Variants in MTHFD1L observed in about 807,000 individuals in gnomAD.
MTHFD1L encodes the protein methylenetetrahydrofolate dehydrogenase (NADP+ dependent) 1 like, also known as monofunctional C1-tetrahydrofolate synthase, mitochondrial.
A neutral mutation model predicts 119.5 loss-of-function variants in MTHFD1L; 81 were observed. The ratio of observed to expected loss-of-function variants is 0.68; its 90% confidence interval spans 0.57 to 0.82. The LOEUF (loss-of-function observed/expected upper bound fraction) is 0.82. MTHFD1L is among the 40% of genes least tolerant of loss of function. The pLI, the probability that MTHFD1L is intolerant of heterozygous loss-of-function variation, is 0.00. For synonymous variants in MTHFD1L, 430 were observed against 475.2 expected, an observed-to-expected ratio of 0.90 and a Z score of 1.24; for missense variants, 1,125 against 1,253.4, an observed-to-expected ratio of 0.90 and a Z score of 1.55.
intron 8 of MTHFD1L, among the ~76,000 whole-genome samples, chr6:150,908,335 GC>G (rs1396121720): frequency 6.6e-6 from 1 of 151,802 alleles, no homozygotes; most frequent in Non-Finnish European, 1.5e-5. Context: ...TAAAGATGGG[GC>G]TGATGGCCAG....
intron 8 of MTHFD1L, among the ~76,000 whole-genome samples, chr6:150,913,236 C>T (rs1405266465): frequency 6.6e-6 from 1 of 152,060 alleles, no homozygotes; most frequent in Non-Finnish European, 1.5e-5. Context: ...GCTCGGCTCA[C>T]TGCAAGCTCC....
At chr6:150,951,057 G>T (rs1354494415) in intron 16 of MTHFD1L, among the ~76,000 whole-genome samples, 4 of 125,484 alleles carry the variant, frequency 3.2e-5, no homozygotes, top group East Asian at 2.4e-4. Flanking sequence ...TTTTTTTTGA[G>T]ACAGGGCCTC....
At chr6:150,986,536 C>T (rs1050417774) in intron 20 of MTHFD1L, among the ~76,000 whole-genome samples, 3 of 152,142 alleles carry the variant, frequency 2.0e-5, no homozygotes, top group Non-Finnish European at 4.4e-5. Flanking sequence ...GGTCCTAGAT[C>T]CCTTACATGC....
intron 24 of MTHFD1L, among the ~76,000 whole-genome samples, chr6:151,026,194 T>G (rs934701742): frequency 6.6e-6 from 1 of 152,230 alleles, no homozygotes; most frequent in African/African-American, 2.4e-5. Context: ...GTGACTCAGC[T>G]TCTAGGACCC....
intron 18 of MTHFD1L, among the ~76,000 whole-genome samples, chr6:150,962,666 C>T (rs964458479): frequency 3.3e-5 from 5 of 152,202 alleles, no homozygotes; most frequent in South Asian, 2.1e-4. Flanking sequence ...ACAGCACAGG[C>T]GCTGAGATGT....
intron 9 of MTHFD1L, among the ~76,000 whole-genome samples, chr6:150,919,381 G>A (rs1388203693): frequency 6.6e-6 from 1 of 151,724 alleles, no homozygotes; most frequent in Non-Finnish European, 1.5e-5. Flanking sequence ...ACACCACCAC[G>A]CCTGGCTAAT....
At chr6:150,945,418 C>A in intron 14 of MTHFD1L, 49 bp from the exon 15 acceptor site, 1 of 1,485,668 alleles carries the variant, frequency 6.7e-7, no homozygotes, top group South Asian at 1.2e-5. Context: ...TGTCCAAGTT[C>A]ATGGACAACT....
At chr6:150,977,368 A>G (rs529615680) in intron 20 of MTHFD1L, among the ~76,000 whole-genome samples, 102 of 152,354 alleles carry the variant, frequency 6.7e-4, no homozygotes, top group African/African-American at 2.3e-3. Context: ...ACAGAGTGAC[A>G]TTTATTTTAA....
At chr6:150,866,302 G>A in intron 1 of MTHFD1L, 1 of 1,474,132 alleles carries the variant, frequency 6.8e-7, no homozygotes, top group Non-Finnish European at 8.9e-7. Flanking sequence ...TCCAATGGGC[G>A]CCTAGCGGCA....
rs1053900238 is a variant in MTHFD1L, at chr6:150,866,025, C to T, written c.203C>T (p.Pro68Leu). 15 of 1,407,084 alleles carry T rather than the reference C, an allele frequency of 1.1e-5. No homozygotes were observed. The highest frequency in any genetic ancestry group is 1.5e-5 in the African/African-American group (1 of 66,540). The allele number at this position is 1,407,084 out of a possible 1,614,324, so 87.2% of individuals were successfully genotyped here. The change falls in exon 1 of 28, where the codon CCC becomes CTC. Residue 68 changes from proline to leucine, a missense_variant. Physicochemically the swap from Pro to Leu is moderately conservative, Grantham distance 98. Coordinates refer to ENST00000367321, the MANE Select transcript of MTHFD1L (RefSeq NM_015440.5). The stretch of plus-strand genomic sequence containing the variant: ...AGCTGCAGCCCCGGCGGCCGAACGC[C>T]CGCGGCGCGGGACTCCATCGTCAGG... ...RSSCSPGGRT[P>L]AARDSIVREV...
chr6:150,869,503 A>G (rs1429552331), intron 1 of MTHFD1L, among the ~76,000 whole-genome samples: 1 of 152,138 alleles, frequency 6.6e-6, no homozygotes, highest in Non-Finnish European at 1.5e-5. Flanking sequence ...AGAGGACATG[A>G]ACTCATGCTT....
At chr6:150,884,375 C>T (rs1781872693) in intron 5 of MTHFD1L, among the ~76,000 whole-genome samples, 2 of 151,854 alleles carry the variant, frequency 1.3e-5, no homozygotes, top group Admixed American at 1.3e-4. Context: ...CTCCTGACCT[C>T]GTGACCCGCC....
chr6:150,918,993 A>T lies in MTHFD1L; in HGVS notation c.984+325A>T, dbSNP rs538890784. On this transcript the variant is annotated intron_variant, in intron 9 of 27. Coordinates refer to ENST00000367321, the MANE Select transcript of MTHFD1L (RefSeq NM_015440.5). ...CTTCAAGTCAGAGATTTGGTAGTAG[A>T]TTAGCAGATTAGGTGGTATGTTAGT... Among the ~76,000 whole-genome samples the T allele has an allele frequency of 3.3e-5, 5 of 152,102 alleles. No individual in the cohort carries two copies. The South Asian group carries it at 1.0e-3, about 32-fold the overall frequency.
chr6:151,048,024 C>G (rs1223518633), intron 26 of MTHFD1L, among the ~76,000 whole-genome samples: 2 of 152,048 alleles, frequency 1.3e-5, no homozygotes, highest in Non-Finnish European at 2.9e-5. Context: ...TTTTAAACAA[C>G]CAGATCTCAT....
chr6:151,054,650 T>A (rs533239947), intron 26 of MTHFD1L, among the ~76,000 whole-genome samples: 1 of 152,302 alleles, frequency 6.6e-6, no homozygotes, highest in East Asian at 1.9e-4. Context: ...CTGCATCTTC[T>A]CTATTGAGCA....
chr6:150,927,455 C>CTTTTT (rs543783528), intron 11 of MTHFD1L, among the ~76,000 whole-genome samples: 1 of 125,078 alleles, frequency 8.0e-6, no homozygotes, highest in Non-Finnish European at 1.6e-5. Context: ...ATCCCAGATT[C>CTTTTT]TTTTTTTTTT....
intron 26 of MTHFD1L, among the ~76,000 whole-genome samples, chr6:151,066,298 G>A (rs927610765): frequency 2.0e-5 from 3 of 151,808 alleles, no homozygotes; most frequent in East Asian, 1.9e-4. Context: ...TCAGCCTGGC[G>A]TGGTGGCAGG....
At chr6:150,920,158 T>TA (rs1261302940) in intron 9 of MTHFD1L, among the ~76,000 whole-genome samples, 1 of 152,222 alleles carries the variant, frequency 6.6e-6, no homozygotes, top group Non-Finnish European at 1.5e-5. Context: ...ACCTGGGCTC[T>TA]AACCTCATGT....
chr6:150,957,750 C>G (rs993826334), intron 17 of MTHFD1L, among the ~76,000 whole-genome samples: 1 of 152,054 alleles, frequency 6.6e-6, no homozygotes, highest in Non-Finnish European at 1.5e-5. Context: ...TTGTAAAAAC[C>G]ATTTTAAAAC....
Sources: allele counts gnomAD v4.1 joint callset (sites outside exome capture counted in the v4.1 genomes callset), GRCh38; gene constraint gnomAD v4.1.1; transcripts MANE v1.5; gene names NCBI Gene and HGNC (gene_info 2026-07-23, HGNC 2026-07-21).